The following TMEM165 variants were observed in gnomAD, a reference collection of about 807,000 sequenced individuals.
The protein encoded by TMEM165 is putative divalent cation/proton antiporter TMEM165.
A neutral mutation model predicts 30.0 loss-of-function variants in TMEM165; 19 were observed. The ratio of observed to expected loss-of-function variants is 0.63; its 90% confidence interval spans 0.44 to 0.93. TMEM165 has a LOEUF of 0.93. Among genes scored for constraint, TMEM165 ranks in the 40% least tolerant of loss-of-function variants. The pLI is 0.00. For synonymous variants in TMEM165, 168 were observed against 162.9 expected, an observed-to-expected ratio of 1.03 and a Z score of -0.24; for missense variants, 340 against 417.0, an observed-to-expected ratio of 0.82 and a Z score of 1.61.
chr4:55,445,915 G>C (rs2109712514), intron 3 of TMEM165, among the ~76,000 whole-genome samples: 1 of 151,660 alleles, frequency 6.6e-6, no homozygotes, highest in Middle Eastern at 3.4e-3. Flanking sequence ...TATTCTTTAG[G>C]TTCTCTTTAC....
intron 3 of TMEM165, chr4:55,443,735 T>A: frequency 6.2e-7 from 1 of 1,614,148 alleles, no homozygotes; most frequent in Non-Finnish European, 8.5e-7. Flanking sequence ...TGTGCTGAGT[T>A]GTGCCAATGT....
At chr4:55,448,601 C>CGCGCATGT (rs764071880) in intron 3 of TMEM165, among the ~76,000 whole-genome samples, 1 of 116,980 alleles carries the variant, frequency 8.5e-6, no homozygotes, top group Non-Finnish European at 1.8e-5. Flanking sequence ...CGCACGCGCG[C>CGCGCATGT]GTGTGTGTGT....
At chr4:55,435,126 GCTT>G (rs1023147621) in intron 3 of TMEM165, 82 of 407,994 alleles carry the variant, frequency 2.0e-4, no homozygotes, top group Admixed American at 1.6e-3. Context: ...TCATAGCTGA[GCTT>G]CTTAATATTT....
intron 1 of TMEM165, among the ~76,000 whole-genome samples, chr4:55,400,244 T>TAATATAATA (rs1720903292): frequency 1.1e-5 from 1 of 93,784 alleles, no homozygotes; most frequent in Non-Finnish European, 1.8e-5. Flanking sequence ...ATGTAATTAA[T>TAATATAATA]ATTATATTAT....
At chr4:55,424,689 A>C (rs770424450) in intron 5 of TMEM165, 46 bp downstream of exon 5, 1 of 1,230,952 alleles carries the variant, frequency 8.1e-7, no homozygotes, top group Non-Finnish European at 1.2e-6. Flanking sequence ...AGAATCACTG[A>C]GAGATTAAAG....
intron 4 of TMEM165, among the ~76,000 whole-genome samples, chr4:55,421,297 C>CT (rs766025971): frequency 0.1 from 10,553 of 105,864 alleles, 925 homozygotes; most frequent in Non-Finnish European, 0.15. Flanking sequence ...TTCTTTCTTT[C>CT]TTTTTTTTTT....
At chr4:55,427,515 T>G (rs912128765), downstream of TMEM165, among the ~76,000 whole-genome samples, 22 of 150,732 alleles carry the variant, frequency 1.5e-4, no homozygotes, top group African/African-American at 5.1e-4. Context: ...GCTAATTTTT[T>G]TGTATTTTCA....
At chr4:55,409,991 G>A (rs1014553338) in intron 1 of TMEM165, among the ~76,000 whole-genome samples, 5 of 152,148 alleles carry the variant, frequency 3.3e-5, no homozygotes, top group Non-Finnish European at 7.3e-5. Context: ...TTGTTTTAGA[G>A]CCAAGTCAGC....
intron 4 of TMEM165, among the ~76,000 whole-genome samples, chr4:55,421,976 G>C (rs1721993963): frequency 6.6e-6 from 1 of 152,018 alleles, no homozygotes; most frequent in Non-Finnish European, 1.5e-5. Context: ...CCCTCCTGCA[G>C]TGTCAGAGGA....
chr4:55,425,347 G>A (rs1722148667), intron 5 of TMEM165, 29 bp from the exon 6 acceptor site: 2 of 1,591,404 alleles, frequency 1.3e-6, no homozygotes, highest in Non-Finnish European at 8.6e-7. Context: ...GAATTTTACT[G>A]TATTTGACTT....
intron 4 of TMEM165, among the ~76,000 whole-genome samples, chr4:55,422,351 G>A (rs1456552431): frequency 6.6e-6 from 1 of 152,056 alleles, no homozygotes; most frequent in Non-Finnish European, 1.5e-5. Context: ...TCTGCTTCCT[G>A]GGTCCAAGCG....
intron 3 of TMEM165, chr4:55,443,962 G>A (rs1723582776): frequency 1.2e-5 from 17 of 1,439,268 alleles, no homozygotes; most frequent in Non-Finnish European, 1.6e-5. Context: ...GCATTAAAAA[G>A]AAGGCAAAAT....
intron 3 of TMEM165, chr4:55,438,258 C>T (rs1226307998): frequency 1.2e-6 from 2 of 1,613,466 alleles, no homozygotes; most frequent in African/African-American, 1.3e-5. Context: ...GAGTTTGAAG[C>T]AGCTTCCCCA....
chr4:55,446,137 A>C, intron 3 of TMEM165, among the ~76,000 whole-genome samples: 1 of 143,346 alleles, frequency 7.0e-6, no homozygotes, highest in Non-Finnish European at 1.5e-5. Flanking sequence ...AGAGTCACCC[A>C]AGCTGGAATG....
At chr4:55,447,837 G>C (rs1723996557) in intron 3 of TMEM165, among the ~76,000 whole-genome samples, 1 of 151,990 alleles carries the variant, frequency 6.6e-6, no homozygotes, top group Non-Finnish European at 1.5e-5. Flanking sequence ...GCTAAGTTAA[G>C]GTATATTTAA....
In TMEM165 at chr4:55,425,542, ATACTG is replaced by A. The variant is rs2109568688; in HGVS notation, c.*93_*97del. The A allele has an allele frequency of 2.9e-6, 3 of 1,034,234 alleles. No homozygotes were observed. The highest frequency in any genetic ancestry group is 2.9e-5 in the South Asian group (2 of 69,078). The allele number at this position is 1,034,234 out of a possible 1,614,324, so 64.1% of individuals were successfully genotyped here. Reference sequence around the variant, plus strand: ...CATTACAACTAAAAGTGATGGAAAAATACTGTATTTTGTAGCACTGATTTTGTGAG... The same window carrying A: ...CATTACAACTAAAAGTGATGGAAAAATATTTTGTAGCACTGATTTTGTGAG... On this transcript the variant is annotated 3_prime_UTR_variant, in exon 6 of 6. Transcript: ENST00000381334.
rs114854632 is a variant in TMEM165, at chr4:55,440,850, C to T, written c.409-11389C>T. On this transcript the variant is annotated intron_variant, in intron 3 of 3. Coordinates refer to the TMEM165 transcript ENST00000608091. The stretch of plus-strand genomic sequence containing the variant: ...GCCTCCCTAGACTCCATGCCACACC[C>T]ACATCCAAAGCCAAGCTCAAGTCTT... Among the ~76,000 whole-genome samples the T allele has an allele frequency of 6.3e-3, 954 of 152,248 alleles. 3 individuals are homozygous for T. Among genetic ancestry groups the T allele is most frequent in the South Asian group, 0.019 (91 of 4,824 alleles).
chr4:55,417,701 G>C, intron 3 of TMEM165, 102 bp from the exon 4 acceptor site: 1 of 981,362 alleles, frequency 1.0e-6, no homozygotes, highest in Non-Finnish European at 1.5e-6. Flanking sequence ...TTTTTTTGGA[G>C]CATATTTCAT....
intron 1 of TMEM165, among the ~76,000 whole-genome samples, chr4:55,405,815 G>GTACACATTTTGTGTACA (rs1721245904): frequency 6.6e-6 from 1 of 152,106 alleles, no homozygotes; most frequent in Non-Finnish European, 1.5e-5. Context: ...GTGTTTATGT[G>GTACACATTTTGTGTACA]TTACACAAAA....
Sources: allele counts gnomAD v4.1 joint callset (sites outside exome capture counted in the v4.1 genomes callset), GRCh38; gene constraint gnomAD v4.1.1; transcripts MANE v1.5; gene names NCBI Gene and HGNC (gene_info 2026-07-23, HGNC 2026-07-21).